The following AGO2 variants were observed in gnomAD, a reference collection of about 807,000 sequenced individuals.
AGO2 encodes argonaute RISC catalytic component 2.
A neutral mutation model predicts 102.3 loss-of-function variants in AGO2; 5 were observed. The observed-to-expected ratio is 0.05, with a 90% CI of 0.03 to 0.10. AGO2 has a LOEUF of 0.10. Ranked by LOEUF, AGO2 falls within the 10% of genes least tolerant of loss-of-function variation. The pLI is 1.00. For synonymous variants in AGO2, 449 were observed against 473.1 expected (o/e 0.95, Z 0.66); for missense variants, 541 against 1,183.7 (o/e 0.46, Z 7.97).
At chr8:140,585,452 G>T in intron 1 of AGO2, 141 bp from the exon 2 acceptor site, 2 of 908,584 alleles carry the variant, frequency 2.2e-6, no homozygotes, top group Non-Finnish European at 1.6e-6. Flanking sequence ...CCACAGAGGA[G>T]GCGTCTCAAC....
At chr8:140,630,275 G>T (rs1174975701) in intron 1 of AGO2, among the ~76,000 whole-genome samples, 1 of 152,218 alleles carries the variant, frequency 6.6e-6, no homozygotes, top group Non-Finnish European at 1.5e-5. Flanking sequence ...TGCACGGACA[G>T]TTCTTGTGTC....
rs541600952 is a variant in AGO2, at chr8:140,561,296, G to A, written c.519-786C>T. 5.3e-3 allele frequency among the ~76,000 whole-genome samples: 814 copies of A among 152,352 alleles called. 5 individuals are homozygous for A. Among genetic ancestry groups the A allele is most frequent in the South Asian group, 0.012 (60 of 4,832 alleles). ...TCGATGCTCCCTACTTGTGGGCTGCGCTGATCTAATCACCTACACGGCCCT... is the reference window on the plus strand; with the variant it reads ...TCGATGCTCCCTACTTGTGGGCTGCACTGATCTAATCACCTACACGGCCCT... On this transcript the variant is annotated intron_variant, in intron 4 of 18. Transcript: ENST00000220592.
At chr8:140,573,816 G>A (rs2073422891) in intron 2 of AGO2, among the ~76,000 whole-genome samples, 1 of 152,222 alleles carries the variant, frequency 6.6e-6, no homozygotes, top group African/African-American at 2.4e-5. Flanking sequence ...TCGGCTGTGG[G>A]CCTTGCTGTG....
chr8:140,542,414 T>C (rs1588440920), intron 14 of AGO2, among the ~76,000 whole-genome samples: 3 of 152,206 alleles, frequency 2.0e-5, no homozygotes, highest in Non-Finnish European at 4.4e-5. Context: ...CCTTGGGCTA[T>C]AATTTTTCTC....
chr8:140,546,979 AG>A (rs1211580204), intron 13 of AGO2, among the ~76,000 whole-genome samples: 1 of 152,198 alleles, frequency 6.6e-6, no homozygotes, highest in Admixed American at 6.5e-5. Flanking sequence ...TGAGACCGGC[AG>A]GTGGCCAGCG....
intron 18 of AGO2, 119 bp from the exon 19 acceptor site, chr8:140,532,271 G>A (rs1366815786): frequency 9.5e-6 from 13 of 1,369,186 alleles, no homozygotes; most frequent in East Asian, 4.6e-5. Context: ...AGAGTCCCAC[G>A]CTGACGGCCG....
intron 1 of AGO2, among the ~76,000 whole-genome samples, chr8:140,624,730 T>G (rs1284044352): frequency 6.6e-6 from 1 of 152,226 alleles, no homozygotes; most frequent in African/African-American, 2.4e-5. Context: ...CCGGACACTA[T>G]GCGGGGCATA....
intron 1 of AGO2, among the ~76,000 whole-genome samples, chr8:140,606,478 G>T (rs1021498885): frequency 6.6e-6 from 1 of 152,162 alleles, no homozygotes; most frequent in South Asian, 2.1e-4. Context: ...TAAAAACGCA[G>T]TTTCCAAGAA....
At position 140,595,921 on chromosome 8, in the gene AGO2, A is replaced by T. The variant is rs1374502723; in HGVS notation, c.23-10610T>A. 2.7e-4 allele frequency among the ~76,000 whole-genome samples: 31 copies of T among 112,742 alleles called. 2 individuals are homozygous for T. Among genetic ancestry groups the T allele is most frequent in the African/African-American group, 1.0e-3 (29 of 28,638 alleles). The allele number at this position is 112,742 out of a possible 152,430, so 74.0% of individuals were successfully genotyped here. A position where few individuals can be genotyped will look rare whatever the true frequency, so the allele number is the denominator to read the frequency against. On this transcript the variant is annotated intron_variant, in intron 1 of 18. Transcript: ENST00000220592. ...TATTATGTATTATATAATATATATT[A>T]TGTATATAAATTATATAATATATAT...
At chr8:140,601,362 A>AC (rs906752597) in intron 1 of AGO2, among the ~76,000 whole-genome samples, 14 of 150,240 alleles carry the variant, frequency 9.3e-5, no homozygotes, top group South Asian at 6.4e-4. Context: ...CAGCCCCAGC[A>AC]CCCCCCCGCC....
At chr8:140,602,006 G>A (rs2073940677) in intron 1 of AGO2, among the ~76,000 whole-genome samples, 2 of 152,122 alleles carry the variant, frequency 1.3e-5, no homozygotes, top group African/African-American at 4.8e-5. Flanking sequence ...AGCCCACACA[G>A]CCCTGGAAAT....
chr8:140,556,593 C>T (rs945170266), intron 8 of AGO2, among the ~76,000 whole-genome samples: 2 of 152,134 alleles, frequency 1.3e-5, no homozygotes, highest in East Asian at 1.9e-4. Context: ...CTCCAGTCTT[C>T]GGTGGCTGCG....
chr8:140,640,661 T>C, the AGO2 span, among the ~76,000 whole-genome samples: 1 of 152,070 alleles, frequency 6.6e-6, no homozygotes, highest in African/African-American at 2.4e-5. Context: ...CTAGGAGTAC[T>C]GGCATGCGCC....
chr8:140,598,385 C>A (rs2073880427), intron 1 of AGO2, among the ~76,000 whole-genome samples: 1 of 152,262 alleles, frequency 6.6e-6, no homozygotes. Context: ...ACATTTCTAC[C>A]CAGAGAGAGT....
chr8:140,586,354 G>A (rs533778550), intron 1 of AGO2, among the ~76,000 whole-genome samples: 285 of 152,314 alleles, frequency 1.9e-3, no homozygotes, highest in Non-Finnish European at 3.6e-3. Context: ...TTATCTGGAT[G>A]TGGTGGCACG....
intron 1 of AGO2, among the ~76,000 whole-genome samples, chr8:140,599,243 C>G (rs774842691): frequency 6.6e-6 from 1 of 152,156 alleles, no homozygotes; most frequent in African/African-American, 2.4e-5. Context: ...GCTGAGCGTC[C>G]GTTATGTGGT....
chr8:140,547,365 T>C, intron 13 of AGO2, 103 bp downstream of exon 13: 1 of 1,439,170 alleles, frequency 6.9e-7, no homozygotes, highest in South Asian at 1.3e-5. Context: ...TGGGCCCAGG[T>C]GAAGGGACCC....
At chr8:140,639,551 A>C (rs2074429333), upstream of AGO2, among the ~76,000 whole-genome samples, 1 of 151,716 alleles carries the variant, frequency 6.6e-6, no homozygotes, top group African/African-American at 2.4e-5. Flanking sequence ...TGGGAGGTCA[A>C]GGTGAGAGGA....
intron 14 of AGO2, among the ~76,000 whole-genome samples, chr8:140,541,883 C>G (rs966360231): frequency 2.6e-5 from 4 of 152,172 alleles, no homozygotes; most frequent in Non-Finnish European, 5.9e-5. Context: ...GCCTGGGCAA[C>G]AGAGTGAGAC....
Sources: allele counts gnomAD v4.1 joint callset (sites outside exome capture counted in the v4.1 genomes callset), GRCh38; gene constraint gnomAD v4.1.1; transcripts MANE v1.5; gene names NCBI Gene and HGNC (gene_info 2026-07-23, HGNC 2026-07-21).